The following RELN variants were observed in gnomAD, a reference collection of about 807,000 sequenced individuals.
RELN encodes the protein reelin.
A neutral mutation model predicts 427.6 loss-of-function variants in RELN; 108 were observed. The ratio of observed to expected loss-of-function variants is 0.25; its 90% CI spans 0.22 to 0.30. The LOEUF (loss-of-function observed/expected upper bound fraction) is 0.30, where lower values mean the gene tolerates loss of function less well. RELN is among the 10% of genes least tolerant of loss of function. The probability of loss-of-function intolerance (pLI) is 1.00; values close to 1 mark genes in which losing one functional copy is unlikely to be tolerated. For missense variants in RELN, 3,715 were observed against 4,302.8 expected, an observed-to-expected ratio of 0.86 and a Z score of 3.82; for synonymous variants, 1,524 against 1,513.4, an observed-to-expected ratio of 1.01 and a Z score of -0.16.
chr7:103,770,810 C>T (rs748477717), intron 4 of RELN, among the ~76,000 whole-genome samples: 10 of 151,918 alleles, frequency 6.6e-5, no homozygotes, highest in Non-Finnish European at 1.3e-4. Context: ...GACTGCCTGA[C>T]TCCAAAGATT....
chr7:103,949,254 A>T (rs1004666616), intron 1 of RELN, among the ~76,000 whole-genome samples: 2 of 152,076 alleles, frequency 1.3e-5, no homozygotes, highest in African/African-American at 2.4e-5. Flanking sequence ...TTTCCCCAAG[A>T]TCATATCAAA....
chr7:103,660,795 G>A (rs1833124058), intron 12 of RELN, among the ~76,000 whole-genome samples: 1 of 152,158 alleles, frequency 6.6e-6, no homozygotes, highest in African/African-American at 2.4e-5. Context: ...TAACTTTGGA[G>A]GTCACAAAGT....
chr7:103,986,076 A>T (rs918628928), intron 1 of RELN, among the ~76,000 whole-genome samples: 3 of 152,238 alleles, frequency 2.0e-5, no homozygotes, highest in African/African-American at 2.4e-5. Context: ...TAGGAAAAAA[A>T]AAATGTTCTG....
intron 3 of RELN, among the ~76,000 whole-genome samples, chr7:103,818,365 T>G (rs1363258765): frequency 6.6e-6 from 1 of 152,230 alleles, no homozygotes; most frequent in East Asian, 1.9e-4. Flanking sequence ...GAAACAATGT[T>G]TTCTTAATTA....
chr7:103,564,121 G>A (rs1830695861), intron 34 of RELN, among the ~76,000 whole-genome samples: 1 of 152,206 alleles, frequency 6.6e-6, no homozygotes, highest in African/African-American at 2.4e-5. Flanking sequence ...TTCAATAAGT[G>A]TTTGTTGAAT....
intron 4 of RELN, among the ~76,000 whole-genome samples, chr7:103,766,884 G>A (rs980637472): frequency 1.3e-5 from 2 of 152,148 alleles, no homozygotes; most frequent in Admixed American, 6.5e-5. Flanking sequence ...GACATAAAAC[G>A]TTTGCCTTTA....
intron 45 of RELN, 91 bp downstream of exon 45, chr7:103,538,987 T>C: frequency 7.1e-7 from 1 of 1,417,730 alleles, no homozygotes; most frequent in Non-Finnish European, 9.9e-7. Flanking sequence ...TTTACAGACC[T>C]ATCAGAGAGG....
intron 11 of RELN, among the ~76,000 whole-genome samples, chr7:103,667,780 G>T (rs1833302988): frequency 6.6e-6 from 1 of 152,124 alleles, no homozygotes; most frequent in Admixed American, 6.6e-5. Flanking sequence ...CTTGCACAAA[G>T]TTTATCATGT....
intron 2 of RELN, among the ~76,000 whole-genome samples, chr7:103,836,845 C>G (rs2116419051): frequency 6.6e-6 from 1 of 152,284 alleles, no homozygotes; most frequent in East Asian, 1.9e-4. Context: ...TTGGAATATT[C>G]TGCTTCTTAA....
At chr7:103,961,945 C>T (rs115961754) in intron 1 of RELN, among the ~76,000 whole-genome samples, 1,948 of 152,208 alleles carry the variant, frequency 0.013, 50 homozygotes, top group African/African-American at 0.044. Flanking sequence ...ATCACCAACA[C>T]AAAATAAAAA....
At chr7:103,544,997 G>A in intron 42 of RELN, 127 bp downstream of exon 42, 1 of 768,716 alleles carries the variant, frequency 1.3e-6, no homozygotes, top group East Asian at 2.7e-5. Context: ...ATGAATTCTT[G>A]GATGTTCACA....
intron 1 of RELN, among the ~76,000 whole-genome samples, chr7:103,952,388 T>C (rs936191718): frequency 1.3e-5 from 2 of 152,176 alleles, no homozygotes; most frequent in African/African-American, 4.8e-5. Context: ...TTTAAATAAC[T>C]TTACTTAAAT....
intron 28 of RELN, among the ~76,000 whole-genome samples, chr7:103,582,600 T>C (rs982871884): frequency 1.3e-5 from 2 of 152,174 alleles, no homozygotes; most frequent in Non-Finnish European, 2.9e-5. Flanking sequence ...ATTCCTTCCC[T>C]ATCCAGGAAG....
chr7:103,922,987 G>T (rs944475553), intron 1 of RELN, among the ~76,000 whole-genome samples: 2 of 151,846 alleles, frequency 1.3e-5, no homozygotes, highest in Admixed American at 6.6e-5. Flanking sequence ...TTGAAATTAG[G>T]TACATAAGCA....
intron 40 of RELN, among the ~76,000 whole-genome samples, chr7:103,553,098 G>A (rs964466870): frequency 6.6e-6 from 1 of 151,964 alleles, no homozygotes; most frequent in African/African-American, 2.4e-5. Flanking sequence ...TCCTAGCATG[G>A]CATAGACTAT....
At chr7:103,857,161 G>T (rs928856500) in intron 2 of RELN, among the ~76,000 whole-genome samples, 1 of 152,070 alleles carries the variant, frequency 6.6e-6, no homozygotes, top group South Asian at 2.1e-4. Context: ...GCAGAGATTA[G>T]GTCTGCATTA....
chr7:103,767,356 A>C (rs1791452277), intron 4 of RELN, among the ~76,000 whole-genome samples: 1 of 152,204 alleles, frequency 6.6e-6, no homozygotes, highest in Non-Finnish European at 1.5e-5. Context: ...TAATGGAACC[A>C]GCATTGGGCT....
intron 46 of RELN, among the ~76,000 whole-genome samples, chr7:103,533,808 T>G (rs554478842): frequency 6.6e-6 from 1 of 152,230 alleles, no homozygotes; most frequent in African/African-American, 2.4e-5. Context: ...GGAGTAAATC[T>G]TAGAATGTCG....
chr7:103,673,993 A>G lies in RELN; in HGVS notation c.1289+8123T>C, dbSNP rs551969240. ...TTTTTAATCTTGGGAACTTCTCTCA[A>G]TTATTTATTTGAATATTGCATTCCA... On this transcript the variant is annotated intron_variant, in intron 11 of 64. Transcript: ENST00000428762. Among the ~76,000 whole-genome samples the G allele has an allele frequency of 7.9e-5, 12 of 151,136 alleles. No individual in the cohort carries two copies. The South Asian group carries it at 2.5e-3, about 32-fold the overall frequency.
Sources: allele counts gnomAD v4.1 joint callset (sites outside exome capture counted in the v4.1 genomes callset), GRCh38; gene constraint gnomAD v4.1.1; transcripts MANE v1.5; gene names NCBI Gene and HGNC (gene_info 2026-07-23, HGNC 2026-07-21).